Variants in LIN7A observed in about 807,000 individuals in gnomAD.
LIN7A encodes the protein protein lin-7 homolog A.
LIN7A carries 25 observed loss-of-function variants against 29.8 expected under a neutral mutation model. That is an observed-to-expected ratio of 0.84 (90% CI 0.61 to 1.17). The LOEUF is 1.17. Among genes scored for constraint, LIN7A ranks in the 50% most tolerant of loss-of-function variants. The pLI, the probability that LIN7A is intolerant of heterozygous loss-of-function variation, is 0.00. For missense variants in LIN7A, 239 were observed against 287.0 expected (o/e 0.83, Z 1.21); for synonymous variants, 118 against 107.5 (o/e 1.10, Z -0.60).
chr12:80,874,616 T>C (rs529809724), intron 2 of LIN7A, among the ~76,000 whole-genome samples: 17 of 152,266 alleles, frequency 1.1e-4, no homozygotes, highest in African/African-American at 3.1e-4. Flanking sequence ...AAATGGAACA[T>C]ATATGAATAG....
chr12:80,933,263 A>T (rs1418829145), intron 1 of LIN7A, among the ~76,000 whole-genome samples: 3 of 152,090 alleles, frequency 2.0e-5, no homozygotes, highest in Non-Finnish European at 4.4e-5. Flanking sequence ...TTAAATTTCT[A>T]CCCCAGGATG....
intron 5 of LIN7A, among the ~76,000 whole-genome samples, chr12:80,806,139 T>C (rs1034341390): frequency 1.3e-5 from 2 of 151,944 alleles, no homozygotes; most frequent in Admixed American, 6.6e-5. Context: ...TCTGTGGCCA[T>C]GTGGAACTGT....
At chr12:80,912,777 G>A (rs1161603033) in intron 1 of LIN7A, among the ~76,000 whole-genome samples, 5 of 151,244 alleles carry the variant, frequency 3.3e-5, no homozygotes, top group African/African-American at 7.3e-5. Context: ...TATGTTATAC[G>A]TATGTTAAAA....
intron 1 of LIN7A, among the ~76,000 whole-genome samples, chr12:80,893,974 G>C (rs538620628): frequency 1.3e-5 from 2 of 152,256 alleles, no homozygotes; most frequent in Admixed American, 1.3e-4. Context: ...TAGCCGTTTT[G>C]GAAACAAATA....
chr12:80,915,693 TAA>T (rs956953750), intron 1 of LIN7A, among the ~76,000 whole-genome samples: 1 of 152,190 alleles, frequency 6.6e-6, no homozygotes, highest in Non-Finnish European at 1.5e-5. Context: ...TATGCAGCCA[TAA>T]AAAAGAACAA....
chr12:80,857,207 G>C (rs1041275083), intron 2 of LIN7A, among the ~76,000 whole-genome samples: 2 of 152,208 alleles, frequency 1.3e-5, no homozygotes, highest in Non-Finnish European at 2.9e-5. Flanking sequence ...GGCCAAGCCA[G>C]ATATCTTAGA....
rs576035477 is a variant in LIN7A, at chr12:80,916,718, C to A, written c.82+20923G>T. Among the ~76,000 whole-genome samples the A allele has an allele frequency of 3.9e-5, 6 of 152,188 alleles. No individual in the cohort carries two copies. The South Asian group carries it at 1.2e-3, about 32-fold the overall frequency. ...CATACAGGTGCTTTGGAAGTAAAAG[C>A]AGAAGGATATAACCTAGGTTGCAGG... On this transcript the variant is annotated intron_variant, in intron 1 of 5. Transcript: ENST00000552864.
At chr12:80,821,249 C>T (rs563708665) in intron 4 of LIN7A, among the ~76,000 whole-genome samples, 29 of 152,240 alleles carry the variant, frequency 1.9e-4, no homozygotes, top group African/African-American at 7.0e-4. Flanking sequence ...AGTGTGACCT[C>T]TCCCCTCTCA....
At chr12:80,862,711 G>A (rs1873938163) in intron 2 of LIN7A, among the ~76,000 whole-genome samples, 1 of 152,082 alleles carries the variant, frequency 6.6e-6, no homozygotes, top group Admixed American at 6.5e-5. Flanking sequence ...AAATCACCAA[G>A]AAAAGGCACA....
intron 2 of LIN7A, among the ~76,000 whole-genome samples, chr12:80,877,260 T>A (rs1345876593): frequency 2.0e-5 from 3 of 151,974 alleles, no homozygotes; most frequent in Non-Finnish European, 4.4e-5. Context: ...AAGATAGTGA[T>A]AACCTGGAAA....
At chr12:80,898,475 G>T (rs1305923092) in intron 1 of LIN7A, among the ~76,000 whole-genome samples, 4 of 151,666 alleles carry the variant, frequency 2.6e-5, no homozygotes, top group Non-Finnish European at 4.4e-5. Context: ...GGGCTCTTTT[G>T]TGGTTCCATG....
At chr12:80,899,220 T>C (rs1414705649) in intron 1 of LIN7A, among the ~76,000 whole-genome samples, 1 of 152,222 alleles carries the variant, frequency 6.6e-6, no homozygotes, top group Non-Finnish European at 1.5e-5. Flanking sequence ...AAGCCTTCTC[T>C]ACATCTATTG....
chr12:80,898,507 T>A (rs1230662863), intron 1 of LIN7A, among the ~76,000 whole-genome samples: 9 of 152,198 alleles, frequency 5.9e-5, no homozygotes, highest in Non-Finnish European at 1.3e-4. Context: ...ATAGTTTTTT[T>A]TTTCTAATTC....
intron 2 of LIN7A, among the ~76,000 whole-genome samples, chr12:80,877,117 G>A (rs1057353128): frequency 3.7e-4 from 11 of 30,030 alleles, no homozygotes; most frequent in Admixed American, 2.3e-3. Flanking sequence ...GAGAGACTCT[G>A]TCTCAAAAAA....
chr12:80,882,873 A>T (rs1229411628), intron 2 of LIN7A, among the ~76,000 whole-genome samples: 2 of 152,206 alleles, frequency 1.3e-5, no homozygotes, highest in Non-Finnish European at 2.9e-5. Flanking sequence ...ATCTTAAAAA[A>T]GAGAATAAGC....
Position 80,904,469 on chromosome 12 carries a change from A to T in LIN7A, c.83-15100T>A, listed in dbSNP as rs1159947335. Among the ~76,000 whole-genome samples, 3 of 152,144 alleles carry T rather than the reference A, an allele frequency of 2.0e-5. No individual in the cohort carries two copies. The East Asian group carries it at 5.8e-4, about 29-fold the overall frequency. On this transcript the variant is annotated intron_variant, in intron 1 of 5. Transcript: ENST00000552864. ...TCTCCCTAGCCCCCACCTTCTAGTAACTACCATGATAGTCCCTGTTACTAT... is the reference window on the plus strand; with the variant it reads ...TCTCCCTAGCCCCCACCTTCTAGTATCTACCATGATAGTCCCTGTTACTAT...
chr12:80,897,018 A>G (rs1409592951), intron 1 of LIN7A, among the ~76,000 whole-genome samples: 1 of 152,204 alleles, frequency 6.6e-6, no homozygotes, highest in African/African-American at 2.4e-5. Flanking sequence ...GGTTAAAGTC[A>G]GTAATGCATT....
chr12:80,884,506 A>G (rs1248321399), intron 2 of LIN7A, among the ~76,000 whole-genome samples: 1 of 152,214 alleles, frequency 6.6e-6, no homozygotes, highest in Non-Finnish European at 1.5e-5. Context: ...AGCAAAAGGA[A>G]GAGAACATGG....
intron 1 of LIN7A, among the ~76,000 whole-genome samples, chr12:80,906,532 G>A (rs908758536): frequency 6.6e-6 from 1 of 152,018 alleles, no homozygotes; most frequent in Middle Eastern, 3.4e-3. Flanking sequence ...GCTTTCTCAG[G>A]TTCATGCTTT....
Sources: allele counts gnomAD v4.1 joint callset (sites outside exome capture counted in the v4.1 genomes callset), GRCh38; gene constraint gnomAD v4.1.1; transcripts MANE v1.5; gene names NCBI Gene and HGNC (gene_info 2026-07-23, HGNC 2026-07-21).